STXBP5L: variants seen among roughly 807,000 people sequenced by gnomAD.
STXBP5L encodes the protein syntaxin binding protein 5L.
STXBP5L carries 65 observed loss-of-function variants against 144.5 expected under a neutral mutation model. The ratio of observed to expected loss-of-function variants is 0.45; its 90% CI spans 0.37 to 0.55. STXBP5L has a LOEUF of 0.55. STXBP5L is among the 20% of genes least tolerant of loss of function. The pLI is 0.00. For missense variants in STXBP5L, 1,298 were observed against 1,405.5 expected, an observed-to-expected ratio of 0.92 and a Z score of 1.22; for synonymous variants, 505 against 469.6, an observed-to-expected ratio of 1.08 and a Z score of -0.97.
chr3:121,329,734 G>A (rs373254650), intron 20 of STXBP5L, among the ~76,000 whole-genome samples: 110 of 152,002 alleles, frequency 7.2e-4, no homozygotes, highest in Middle Eastern at 3.4e-3. Context: ...GGTGGCAGGC[G>A]CCTATAATCC....
intron 10 of STXBP5L, among the ~76,000 whole-genome samples, chr3:121,211,438 G>T (rs1577221550): frequency 6.6e-6 from 1 of 151,992 alleles, no homozygotes; most frequent in East Asian, 1.9e-4. Flanking sequence ...CTGCCTGATT[G>T]CCCTGGTCAG....
intron 3 of STXBP5L, among the ~76,000 whole-genome samples, chr3:121,037,237 T>A (rs1946824763): frequency 6.6e-6 from 1 of 151,804 alleles, no homozygotes; most frequent in South Asian, 2.1e-4. Flanking sequence ...CTGGTTTTTT[T>A]TTTTTCTGTC....
chr3:121,251,756 A>G (rs147619930), intron 15 of STXBP5L, among the ~76,000 whole-genome samples: 1 of 152,324 alleles, frequency 6.6e-6, no homozygotes, highest in East Asian at 1.9e-4. Flanking sequence ...GAAGACTGCA[A>G]TAAACACACA....
At chr3:121,085,283 T>G (rs996526747) in intron 5 of STXBP5L, among the ~76,000 whole-genome samples, 1 of 152,172 alleles carries the variant, frequency 6.6e-6, no homozygotes, top group Non-Finnish European at 1.5e-5. Flanking sequence ...TGTCATGAAA[T>G]CTTTGCCTGG....
intron 20 of STXBP5L, among the ~76,000 whole-genome samples, chr3:121,332,971 C>T (rs532248087): frequency 6.6e-6 from 1 of 152,168 alleles, no homozygotes; most frequent in South Asian, 2.1e-4. Context: ...ATCTTGTAAT[C>T]CAGCAAAACT....
At chr3:121,361,813 T>C (rs555397020) in intron 20 of STXBP5L, among the ~76,000 whole-genome samples, 1 of 152,238 alleles carries the variant, frequency 6.6e-6, no homozygotes, top group East Asian at 1.9e-4. Context: ...TTTAATTCAT[T>C]TGGTGAAGTC....
intron 20 of STXBP5L, among the ~76,000 whole-genome samples, chr3:121,372,597 A>G (rs2046065450): frequency 6.6e-6 from 1 of 152,118 alleles, no homozygotes; most frequent in Admixed American, 6.5e-5. Context: ...GGGTCAGGGA[A>G]CAAGTCGTGG....
intron 3 of STXBP5L, among the ~76,000 whole-genome samples, chr3:121,030,029 C>G (rs904516660): frequency 6.6e-6 from 1 of 152,090 alleles, no homozygotes; most frequent in Non-Finnish European, 1.5e-5. Flanking sequence ...CAGGAAACGA[C>G]AGAAGCTGGA....
At chr3:121,405,768 A>G (rs1433981881) in intron 22 of STXBP5L, among the ~76,000 whole-genome samples, 1 of 152,134 alleles carries the variant, frequency 6.6e-6, no homozygotes, top group African/African-American at 2.4e-5. Flanking sequence ...GAAAACTTAA[A>G]CCCTGTATAA....
intron 11 of STXBP5L, among the ~76,000 whole-genome samples, chr3:121,226,651 C>T (rs1364676974): frequency 2.6e-5 from 4 of 152,100 alleles, no homozygotes; most frequent in Non-Finnish European, 5.9e-5. Context: ...TTAGTTATAA[C>T]CAAATGTTAG....
intron 5 of STXBP5L, 33 bp downstream of exon 5, chr3:121,045,568 G>A (rs200206130): frequency 6.4e-6 from 10 of 1,574,382 alleles, no homozygotes; most frequent in Non-Finnish European, 3.5e-6. Context: ...ATTTCTTAAT[G>A]TACAACAAAA....
intron 7 of STXBP5L, among the ~76,000 whole-genome samples, chr3:121,143,973 A>G (rs1225366785): frequency 1.3e-5 from 2 of 151,882 alleles, no homozygotes; most frequent in African/African-American, 4.8e-5. Flanking sequence ...AATGAAAACA[A>G]AAATAAACAT....
At position 121,260,266 on chromosome 3, in the gene STXBP5L, G is replaced by A. The variant is rs1428734714; in HGVS notation, c.1958+1098G>A. Among the ~76,000 whole-genome samples, 3 of 152,184 alleles carry A rather than the reference G, an allele frequency of 2.0e-5. No homozygotes were observed. In the South Asian group the frequency reaches 6.2e-4, roughly 32 times the overall value. The stretch of plus-strand genomic sequence containing the variant: ...TCTTTGTCCATTTGTCTGTAAAGTT[G>A]TTGGCCTTCATAGAGATTTGTGAAA... On this transcript the variant is annotated intron_variant, in intron 18 of 26. Coordinates refer to ENST00000471454, the MANE Select transcript of STXBP5L (RefSeq NM_001308330.2).
chr3:121,006,891 G>T (rs1206916387), intron 3 of STXBP5L, among the ~76,000 whole-genome samples: 5 of 152,136 alleles, frequency 3.3e-5, no homozygotes, highest in Admixed American at 6.6e-5. Context: ...ACTCTCTTCT[G>T]GCTTGTAGAG....
At chr3:121,304,025 T>TA (rs200452048) in intron 19 of STXBP5L, among the ~76,000 whole-genome samples, 13,847 of 138,604 alleles carry the variant, frequency 0.1, 1,122 homozygotes, top group East Asian at 0.48. Context: ...ACTTAAAGTA[T>TA]ATAAAAAAAA....
intron 3 of STXBP5L, among the ~76,000 whole-genome samples, chr3:120,984,960 A>C (rs543540748): frequency 2.6e-5 from 4 of 151,988 alleles, no homozygotes; most frequent in Non-Finnish European, 4.4e-5. Context: ...TAGATATTAC[A>C]TTGATCAATA....
At chr3:121,025,655 C>T (rs1453253721) in intron 3 of STXBP5L, among the ~76,000 whole-genome samples, 1 of 151,602 alleles carries the variant, frequency 6.6e-6, no homozygotes, top group Non-Finnish European at 1.5e-5. Flanking sequence ...TCTTGGCTCT[C>T]AAATTCCAAT....
chr3:121,154,826 G>T (rs2046057961), intron 8 of STXBP5L, among the ~76,000 whole-genome samples: 1 of 151,680 alleles, frequency 6.6e-6, no homozygotes, highest in South Asian at 2.1e-4. Context: ...TGGTTTTTAA[G>T]TCTTGTTTAG....
At chr3:121,397,301 G>C (rs1481101154) in intron 22 of STXBP5L, among the ~76,000 whole-genome samples, 2 of 152,206 alleles carry the variant, frequency 1.3e-5, no homozygotes, top group Non-Finnish European at 2.9e-5. Context: ...CCCATAGGTT[G>C]TATAACTGAA....
Sources: gnomAD v4.1 joint callset for allele counts (sites outside exome capture counted in the v4.1 genomes callset) on GRCh38, gnomAD v4.1.1 for gene constraint, MANE v1.5 for transcripts, NCBI Gene and HGNC (gene_info 2026-07-23, HGNC 2026-07-21) for gene names.